Variants in KREMEN1 observed in about 807,000 individuals in gnomAD.
KREMEN1 encodes kremen protein 1.
KREMEN1 carries 30 observed loss-of-function variants against 46.5 expected under a neutral mutation model. The ratio of observed to expected loss-of-function variants is 0.65; its 90% confidence interval spans 0.48 to 0.88. KREMEN1 has a LOEUF of 0.88. Among genes scored for constraint, KREMEN1 ranks in the 40% least tolerant of loss-of-function variants. The pLI is 0.00. For synonymous variants in KREMEN1, 214 were observed against 230.6 expected (o/e 0.93, Z 0.65); for missense variants, 533 against 596.9 (o/e 0.89, Z 1.11).
intron 9 of KREMEN1, among the ~76,000 whole-genome samples, chr22:29,157,328 C>T (rs2038971845): frequency 6.6e-6 from 1 of 152,138 alleles, no homozygotes; most frequent in African/African-American, 2.4e-5. Context: ...CAAGGCCCCA[C>T]CATGACTTTG....
intron 3 of KREMEN1, among the ~76,000 whole-genome samples, chr22:29,116,380 T>G (rs1175720011): frequency 6.6e-6 from 1 of 152,170 alleles, no homozygotes; most frequent in Non-Finnish European, 1.5e-5. Flanking sequence ...AATTGGCAAG[T>G]GATTGCCTTT....
intron 9 of KREMEN1, among the ~76,000 whole-genome samples, chr22:29,164,942 AG>A (rs1489755520): frequency 2.6e-5 from 4 of 151,918 alleles, no homozygotes; most frequent in African/African-American, 9.7e-5. Flanking sequence ...TGGGAGGCCC[AG>A]GCAGGCGGAT....
At chr22:29,091,664 G>A (rs2037808296) in intron 1 of KREMEN1, among the ~76,000 whole-genome samples, 1 of 152,146 alleles carries the variant, frequency 6.6e-6, no homozygotes, top group African/African-American at 2.4e-5. Context: ...ACAGGTTTCA[G>A]GTCCTGCTCT....
intron 9 of KREMEN1, among the ~76,000 whole-genome samples, chr22:29,159,733 G>A (rs1195331847): frequency 6.6e-6 from 1 of 152,258 alleles, no homozygotes; most frequent in East Asian, 1.9e-4. Context: ...TTACTGGTGA[G>A]AGATTTTTCA....
chr22:29,133,205 G>C (rs142349107), intron 5 of KREMEN1, among the ~76,000 whole-genome samples: 1 of 143,370 alleles, frequency 7.0e-6, no homozygotes, highest in South Asian at 2.2e-4. Flanking sequence ...CAGAGATCGC[G>C]TCATTGCACT....
At chr22:29,094,498 C>T (rs1322562693) in intron 2 of KREMEN1, 78 bp downstream of exon 2, 8 of 1,359,928 alleles carry the variant, frequency 5.9e-6, no homozygotes, top group African/African-American at 1.5e-5. Flanking sequence ...CATCCCAGCT[C>T]ACAACTAGGG....
At chr22:29,106,952 C>T (rs2038069924) in intron 3 of KREMEN1, among the ~76,000 whole-genome samples, 1 of 152,126 alleles carries the variant, frequency 6.6e-6, no homozygotes, top group Non-Finnish European at 1.5e-5. Context: ...TCCTAAGCCC[C>T]AGGAGTAAAG....
intron 9 of KREMEN1, among the ~76,000 whole-genome samples, chr22:29,162,066 G>C (rs1182281302): frequency 6.6e-6 from 1 of 151,260 alleles, no homozygotes; most frequent in Non-Finnish European, 1.5e-5. Flanking sequence ...GCAGTGAGCC[G>C]AGATTGTGTC....
chr22:29,113,814 G>A (rs2038188864), intron 3 of KREMEN1, among the ~76,000 whole-genome samples: 1 of 152,188 alleles, frequency 6.6e-6, no homozygotes, highest in South Asian at 2.1e-4. Context: ...AGAAAGTGAG[G>A]AGCATAATGG....
Position 29,145,888 on chromosome 22 carries a change from G to C in KREMEN1, c.*3776G>C, listed in dbSNP as rs1001988985. 1.0e-6 allele frequency: 1 copy of C among 985,684 alleles called. No homozygotes were observed. The highest frequency in any genetic ancestry group is 1.7e-5 in the African/African-American group (1 of 57,234). 61.1% of individuals were successfully genotyped at this position (985,684 alleles called of 1,614,324 possible). ...TCGGGTAGAACCCACGGGCGTGCCT[G>C]GGTGCGGCTCCACCCACATGCCCCA... On this transcript the variant is annotated 3_prime_UTR_variant, in exon 9 of 9. Transcript: ENST00000400335.
At chr22:29,150,398 G>T (rs555068149), downstream of KREMEN1, among the ~76,000 whole-genome samples, 1 of 152,216 alleles carries the variant, frequency 6.6e-6, no homozygotes, top group Non-Finnish European at 1.5e-5. Flanking sequence ...CACAAGAAGC[G>T]TTTTAGGGGG....
At chr22:29,128,083 G>A (rs1391198991) in intron 5 of KREMEN1, among the ~76,000 whole-genome samples, 1 of 152,138 alleles carries the variant, frequency 6.6e-6, no homozygotes, top group Non-Finnish European at 1.5e-5. Flanking sequence ...CTGGGGGAAG[G>A]GGAAGAATAT....
chr22:29,092,117 T>C (rs1163243699), intron 1 of KREMEN1, among the ~76,000 whole-genome samples: 1 of 152,100 alleles, frequency 6.6e-6, no homozygotes, highest in East Asian at 1.9e-4. Flanking sequence ...AAGTGGAAGC[T>C]GTGAGACCCA....
chr22:29,078,856 C>A (rs2037612340), intron 1 of KREMEN1, among the ~76,000 whole-genome samples: 1 of 152,254 alleles, frequency 6.6e-6, no homozygotes, highest in African/African-American at 2.4e-5. Flanking sequence ...ACCCCCAACG[C>A]CACTTGGCAG....
intron 9 of KREMEN1, among the ~76,000 whole-genome samples, chr22:29,164,335 T>G (rs1343061300): frequency 6.6e-6 from 1 of 152,180 alleles, no homozygotes; most frequent in Non-Finnish European, 1.5e-5. Flanking sequence ...CACAATGATC[T>G]CAATCTGGTT....
chr22:29,126,783 GA>G (rs2038451311), intron 5 of KREMEN1, among the ~76,000 whole-genome samples: 1 of 152,190 alleles, frequency 6.6e-6, no homozygotes, highest in Non-Finnish European at 1.5e-5. Flanking sequence ...CAGGATTAGT[GA>G]ACAGAACTTA....
chr22:29,150,894 A>G (rs73397022), downstream of KREMEN1, among the ~76,000 whole-genome samples: 774 of 152,358 alleles, frequency 5.1e-3, 6 homozygotes, highest in African/African-American at 0.018. Flanking sequence ...GAAGGGGTCC[A>G]GCCAGGGGCC....
intron 3 of KREMEN1, among the ~76,000 whole-genome samples, chr22:29,117,492 G>T (rs4521152): frequency 1.5e-4 from 22 of 151,428 alleles, no homozygotes; most frequent in Non-Finnish European, 2.1e-4. Context: ...GCGTGAACCC[G>T]GGAGGCGGAG....
intron 5 of KREMEN1, 88 bp from the exon 6 acceptor site, chr22:29,137,254 G>A (rs985109690): frequency 1.2e-5 from 11 of 915,756 alleles, no homozygotes; most frequent in South Asian, 3.0e-5. Flanking sequence ...GATCCTGCTC[G>A]TTAGGAAGGC....
Sources: gnomAD v4.1 joint callset for allele counts (sites outside exome capture counted in the v4.1 genomes callset) on GRCh38, gnomAD v4.1.1 for gene constraint, MANE v1.5 for transcripts, NCBI Gene and HGNC (gene_info 2026-07-23, HGNC 2026-07-21) for gene names.